CENPN: variants seen among roughly 807,000 people sequenced by gnomAD.
CENPN encodes centromere protein N.
In CENPN, 36 loss-of-function variants were observed where a neutral mutation model predicts 48.6. The observed-to-expected ratio is 0.74, with a 90% CI of 0.57 to 0.98. The LOEUF is 0.98. Ranked by LOEUF, CENPN falls within the 50% of genes least tolerant of loss-of-function variation. The pLI, the probability that CENPN is intolerant of heterozygous loss-of-function variation, is 0.00. For synonymous variants in CENPN, 166 were observed against 135.2 expected (o/e 1.23, Z -1.58); for missense variants, 439 against 399.2 (o/e 1.10, Z -0.85).
chr16:81,011,817 A>G lies in CENPN; in HGVS notation c.-10-113A>G, dbSNP rs767681183. 24 of 855,810 alleles carry G rather than the reference A, an allele frequency of 2.8e-5. 1 individual carries two copies. Among genetic ancestry groups the G allele is most frequent in the Non-Finnish European group, 4.3e-5 (24 of 564,384 alleles). 53.0% of individuals were successfully genotyped at this position (855,810 alleles called of 1,614,324 possible). A position where few individuals can be genotyped will look rare whatever the true frequency, so the allele number is the denominator to read the frequency against. On this transcript the variant is annotated intron_variant, in intron 1 of 10. Transcript: ENST00000305850. ...TAAGAGTTCAAGACCAACGTGGGCA[A>G]TCTAGTGAGACCCTGTCTCTATTTT...
rs1970653464 is a variant in CENPN, at chr16:81,029,152, C to T, written c.*501C>T. 8 of 985,048 alleles carry T rather than the reference C, an allele frequency of 8.1e-6. No homozygotes were observed. Among genetic ancestry groups the T allele is most frequent in the Middle Eastern group, 1.0e-3 (2 of 1,936 alleles). 61.0% of individuals were successfully genotyped at this position (985,048 alleles called of 1,614,324 possible). The stretch of plus-strand genomic sequence containing the variant: ...TCTATTCAAAGGATGGAGTTGAGTC[C>T]ATTCTGTTATTGTTGCAAGAGGTTG... On this transcript the variant is annotated 3_prime_UTR_variant, in exon 11 of 11. Transcript: ENST00000305850.
intron 5 of CENPN, 113 bp from the exon 6 acceptor site, chr16:81,019,987 C>T (rs1970106704): frequency 1.4e-6 from 1 of 698,422 alleles, no homozygotes; most frequent in South Asian, 3.2e-5. Context: ...AGGTCTCAAC[C>T]TGCATACAAG....
intron 8 of CENPN, among the ~76,000 whole-genome samples, chr16:81,026,026 T>A (rs1472043725): frequency 4.0e-5 from 6 of 150,344 alleles, no homozygotes; most frequent in Middle Eastern, 3.2e-3. Flanking sequence ...TTAAAAAAAA[T>A]ACATATATAG....
chr16:81,016,989 TC>T (rs1969957925), intron 3 of CENPN: 1 of 261,712 alleles, frequency 3.8e-6, no homozygotes, highest in Non-Finnish European at 7.2e-6. Flanking sequence ...CAAATGTGGG[TC>T]CTGTGGGGCA....
intron 1 of CENPN, among the ~76,000 whole-genome samples, chr16:81,010,359 C>A (rs1429864739): frequency 6.6e-6 from 1 of 151,454 alleles, no homozygotes; most frequent in Non-Finnish European, 1.5e-5. Flanking sequence ...GATAAAAGAG[C>A]TCAGAATCTT....
Position 81,022,714 on chromosome 16 carries a change from A to T in CENPN, c.633+16A>T. ...GTATAATCAGGTGAGCCAATCAGTG[A>T]CTCTCTTTAAAGGTAAATCTTTATT... is the stretch of plus-strand genomic sequence containing the variant. On this transcript the variant is annotated intron_variant, in intron 7 of 10. Transcript: ENST00000305850. 1 of 1,614,056 alleles carries T rather than the reference A, an allele frequency of 6.2e-7. No homozygotes were observed. Among genetic ancestry groups the T allele is most frequent in the Non-Finnish European group, 8.5e-7 (1 of 1,179,974 alleles).
In CENPN at chr16:81,012,054, G is replaced by C; in HGVS notation, c.115G>C (p.Val39Leu). ...DFLSENQLQT[V>L]NFRQRKESVV... ...TTTGTCTGAAAATCAACTGCAGACT[G>C]TAAATTTCCGACAGAGAAAGGAATC... The change falls in exon 2 of 11, where the codon GTA (valine) becomes CTA (leucine). Residue 39 changes from valine to leucine, a missense_variant. Coordinates refer to ENST00000305850, the MANE Select transcript of CENPN (RefSeq NM_001100624.3). 2 of 1,614,114 alleles carry C rather than the reference G, an allele frequency of 1.2e-6. No homozygotes were observed. Among genetic ancestry groups the C allele is most frequent in the Non-Finnish European group, 1.7e-6 (2 of 1,179,994 alleles).
Position 81,026,523 on chromosome 16 carries a change from T to C in CENPN, c.698-3T>C, listed in dbSNP as rs768045103. 19 of 1,446,936 alleles carry C rather than the reference T, an allele frequency of 1.3e-5. No homozygotes were observed. In the African/African-American group the frequency reaches 2.1e-4, roughly 16 times the overall value. The allele number at this position is 1,446,936 out of a possible 1,614,324, so 89.6% of individuals were successfully genotyped here. A position where few individuals can be genotyped will look rare whatever the true frequency, so the allele number is the denominator to read the frequency against. On this transcript the variant is annotated splice_region_variant and splice_polypyrimidine_tract_variant and intron_variant, in intron 8 of 10. Coordinates refer to ENST00000305850, the MANE Select transcript of CENPN (RefSeq NM_001100624.3). Reference sequence around the variant, plus strand: ...TGTTTTATTTGAAATCTTCCACCCATAGTGGATTCAAGGATCATTCATGAA... The same window carrying C: ...TGTTTTATTTGAAATCTTCCACCCACAGTGGATTCAAGGATCATTCATGAA...
rs1969842865 is a variant in CENPN at position 81,014,012 on chromosome 16, G to A, written c.172-124G>A. ...GTTAACAGGAGAAGAGATTGGAGAT[G>A]GGTTGTCAGTAAAGTACTGAGAATG... On this transcript the variant is annotated intron_variant, in intron 2 of 10. Coordinates refer to ENST00000305850, the MANE Select transcript of CENPN (RefSeq NM_001100624.3). 2.0e-5 allele frequency: 12 copies of A among 611,500 alleles called. 1 individual carries two copies. The South Asian group carries it at 2.5e-4, about 13-fold the overall frequency. 37.9% of individuals were successfully genotyped at this position (611,500 alleles called of 1,614,324 possible).
At chr16:81,024,599 G>A in intron 7 of CENPN, 116 bp from the exon 8 acceptor site, 1 of 621,382 alleles carries the variant, frequency 1.6e-6, no homozygotes, top group South Asian at 2.1e-5. Flanking sequence ...TATGGCTTTG[G>A]ATCTTTCTGT....
chr16:81,009,174 A>G (rs565163242), intron 1 of CENPN, among the ~76,000 whole-genome samples: 1 of 152,192 alleles, frequency 6.6e-6, no homozygotes, highest in Admixed American at 6.5e-5. Context: ...CAGAAATCCC[A>G]CTACTACACT....
chr16:81,007,713 C>A (rs1447038139), intron 1 of CENPN, among the ~76,000 whole-genome samples: 2 of 152,184 alleles, frequency 1.3e-5, no homozygotes, highest in Non-Finnish European at 2.9e-5. Flanking sequence ...TGTGTGGCTA[C>A]GGGAACGTTA....
At chr16:81,014,293 A>G in intron 3 of CENPN, 112 bp downstream of exon 3, 1 of 836,720 alleles carries the variant, frequency 1.2e-6, no homozygotes, top group Non-Finnish European at 2.0e-6. Context: ...GGAGTGCAGT[A>G]ACGCCATCTC....
Position 81,030,215 on chromosome 16 carries a change from A to C in CENPN, c.*1564A>C, listed in dbSNP as rs765216102. The C allele has an allele frequency of 6.6e-5, 65 of 985,476 alleles. No individual in the cohort carries two copies. Among genetic ancestry groups the C allele is most frequent in the Non-Finnish European group, 7.7e-5 (64 of 829,938 alleles). The allele number at this position is 985,476 out of a possible 1,614,324, so 61.0% of individuals were successfully genotyped here. On this transcript the variant is annotated 3_prime_UTR_variant, in exon 11 of 11. Coordinates refer to ENST00000305850, the MANE Select transcript of CENPN (RefSeq NM_001100624.3). The stretch of plus-strand genomic sequence containing the variant: ...GACACAGCCAAACCATATCACAGGC[A>C]TGAGCTACCACGCCCGCCAGCATGT...
At chr16:81,020,774 C>T (rs1005298574) in intron 6 of CENPN, among the ~76,000 whole-genome samples, 2 of 152,132 alleles carry the variant, frequency 1.3e-5, no homozygotes, top group African/African-American at 4.8e-5. Context: ...TTTGCTATTT[C>T]CTTTGACAAG....
intron 5 of CENPN, among the ~76,000 whole-genome samples, chr16:81,019,309 C>G (rs1001894611): frequency 1.3e-5 from 2 of 151,814 alleles, no homozygotes; most frequent in African/African-American, 4.8e-5. Flanking sequence ...CTAGACCTCC[C>G]AGGCTCAAGC....
chr16:81,030,580 C>G lies in CENPN; in HGVS notation c.*1929C>G, dbSNP rs146864999. Reference sequence around the variant, plus strand: ...CCTAGCCAACATGGCAAAACCTTGTCTCTACTAAAAATAGAAAAATTAGTT... The same window carrying G: ...CCTAGCCAACATGGCAAAACCTTGTGTCTACTAAAAATAGAAAAATTAGTT... On this transcript the variant is annotated 3_prime_UTR_variant, in exon 11 of 11. Transcript: ENST00000305850. 2,662 of 178,492 alleles carry G rather than the reference C, an allele frequency of 0.015. 81 individuals carry two copies. Among genetic ancestry groups the G allele is most frequent in the African/African-American group, 0.06 (2,534 of 41,960 alleles). The allele number at this position is 178,492 out of a possible 1,614,324, so 11.1% of individuals were successfully genotyped here. A position where few individuals can be genotyped will look rare whatever the true frequency, so the allele number is the denominator to read the frequency against.
In CENPN at chr16:81,014,081, G is replaced by A. The variant is rs376156510; in HGVS notation, c.172-55G>A. 1.4e-5 allele frequency: 20 copies of A among 1,440,586 alleles called. No homozygotes were observed. In the African/African-American group the frequency reaches 1.8e-4, roughly 13 times the overall value. 89.2% of individuals were successfully genotyped at this position (1,440,586 alleles called of 1,614,324 possible). On this transcript the variant is annotated intron_variant, in intron 2 of 10. Transcript: ENST00000305850. ...ACCAATCCTAAAATGTGTTTTAAAC[G>A]GGATAGAACCAAACCTATAACCACA...
At chr16:81,014,096 C>A in intron 2 of CENPN, 40 bp from the exon 3 acceptor site, 1 of 1,570,230 alleles carries the variant, frequency 6.4e-7, no homozygotes, top group East Asian at 2.2e-5. Context: ...AGAACCAAAC[C>A]TATAACCACA....
Sources: gnomAD v4.1 joint callset for allele counts (sites outside exome capture counted in the v4.1 genomes callset) on GRCh38, gnomAD v4.1.1 for gene constraint, MANE v1.5 for transcripts, NCBI Gene and HGNC (gene_info 2026-07-23, HGNC 2026-07-21) for gene names.